The following ADAP2 variants were observed in gnomAD, a reference collection of about 807,000 sequenced individuals.
ADAP2 encodes the protein arf-GAP with dual PH domain-containing protein 2.
In ADAP2, 42 loss-of-function variants were observed where a neutral mutation model predicts 54.9. The observed-to-expected ratio is 0.77, with a 90% CI of 0.60 to 0.99. ADAP2 has a LOEUF of 0.99. ADAP2 is among the 50% of genes least tolerant of loss of function. ADAP2 has a pLI of 0.00. For synonymous variants in ADAP2, 177 were observed against 180.1 expected (o/e 0.98, Z 0.14); for missense variants, 429 against 480.4 (o/e 0.89, Z 1.00).
intron 3 of ADAP2, among the ~76,000 whole-genome samples, chr17:30,927,639 G>A (rs1056994268): frequency 1.3e-5 from 2 of 151,100 alleles, no homozygotes; most frequent in South Asian, 2.1e-4. Flanking sequence ...ATAAAAGATA[G>A]AAATATGTCT....
At chr17:30,943,591 G>A (rs1379056704) in intron 5 of ADAP2, among the ~76,000 whole-genome samples, 2 of 152,008 alleles carry the variant, frequency 1.3e-5, no homozygotes, top group East Asian at 3.9e-4. Context: ...GCTCATGCTT[G>A]TAATCCCAGA....
intron 3 of ADAP2, among the ~76,000 whole-genome samples, chr17:30,928,953 A>C (rs887630346): frequency 6.6e-6 from 1 of 152,238 alleles, no homozygotes. Context: ...AACAGAAAGC[A>C]GCTGCATTTC....
chr17:30,954,504 G>A lies in ADAP2; in HGVS notation c.831G>A (p.Trp277Ter), dbSNP rs1904914057. Residue 277 changes from tryptophan to a stop codon, truncating the protein, a stop_gained, in exon 9 of 11, where the codon TGG (tryptophan) becomes TGA (stop). Coordinates refer to ENST00000330889, the MANE Select transcript of ADAP2 (RefSeq NM_018404.3). LOFTEE classifies it high-confidence loss of function. ...AGAAAGAACCTTTCAAGAAAAGGTG[G>A]TTCGCCCTGGATTGCCATGAGCGGA... ...PKQKEPFKKR[W>*]FALDCHERRL... 1 of 1,614,172 alleles carries A rather than the reference G, an allele frequency of 6.2e-7. No homozygotes were observed. Among genetic ancestry groups the A allele is most frequent in the Non-Finnish European group, 8.5e-7 (1 of 1,180,004 alleles).
At chr17:30,949,613 G>A (rs957191091) in intron 7 of ADAP2, among the ~76,000 whole-genome samples, 1 of 152,102 alleles carries the variant, frequency 6.6e-6, no homozygotes, top group Non-Finnish European at 1.5e-5. Flanking sequence ...GCCAGGTGTG[G>A]TGGCAGGCGC....
intron 10 of ADAP2, chr17:30,956,868 G>A (rs1399544190): frequency 5.3e-6 from 1 of 189,706 alleles, no homozygotes; most frequent in Non-Finnish European, 1.1e-5. Context: ...GCAGCTCCTG[G>A]GATTTTTGGA....
At chr17:30,938,850 C>T (rs192124060) in intron 5 of ADAP2, among the ~76,000 whole-genome samples, 23 of 152,212 alleles carry the variant, frequency 1.5e-4, no homozygotes, top group Non-Finnish European at 2.5e-4. Flanking sequence ...ATATTTGATA[C>T]CAGAGTGGGG....
intron 5 of ADAP2, among the ~76,000 whole-genome samples, chr17:30,941,649 T>C (rs1355265013): frequency 2.0e-5 from 3 of 152,228 alleles, no homozygotes; most frequent in African/African-American, 4.8e-5. Context: ...GCATAGCTTT[T>C]TCATACTATG....
intron 3 of ADAP2, among the ~76,000 whole-genome samples, chr17:30,931,158 T>C (rs1911447629): frequency 6.6e-6 from 1 of 151,972 alleles, no homozygotes; most frequent in Non-Finnish European, 1.5e-5. Flanking sequence ...GAACACACAG[T>C]GGGAGCAGGT....
At chr17:30,937,348 A>C (rs920917926) in intron 5 of ADAP2, among the ~76,000 whole-genome samples, 1 of 151,968 alleles carries the variant, frequency 6.6e-6, no homozygotes, top group African/African-American at 2.4e-5. Context: ...CAGCCTCCCC[A>C]GTAGCTGGGA....
chr17:30,936,920 T>A (rs189054192), intron 5 of ADAP2, among the ~76,000 whole-genome samples: 88 of 152,264 alleles, frequency 5.8e-4, no homozygotes, highest in African/African-American at 2.0e-3. Flanking sequence ...ATTATTTGAC[T>A]TAAGTTTTTG....
chr17:30,922,922 C>A lies in ADAP2; in HGVS notation c.95-18C>A. ...CCGCGCTTTCCGCTCAGCTCCTCTC[C>A]TGCCTCATCCCCTGCAGATCCCGAC... On this transcript the variant is annotated intron_variant, in intron 1 of 10. Transcript: ENST00000330889. 1 of 1,612,598 alleles carries A rather than the reference C, an allele frequency of 6.2e-7. No homozygotes were observed. The highest frequency in any genetic ancestry group is 8.5e-7 in the Non-Finnish European group (1 of 1,179,506).
intron 5 of ADAP2, among the ~76,000 whole-genome samples, chr17:30,935,375 A>G (rs1179744145): frequency 6.6e-6 from 1 of 152,130 alleles, no homozygotes; most frequent in Non-Finnish European, 1.5e-5. Context: ...TCTCAAGAAA[A>G]AAAGAAGTAA....
At chr17:30,948,267 A>G (rs1904319416) in intron 6 of ADAP2, among the ~76,000 whole-genome samples, 2 of 152,208 alleles carry the variant, frequency 1.3e-5, no homozygotes, top group Admixed American at 1.3e-4. Context: ...GACTGATTAG[A>G]TTTGTAATTA....
intron 3 of ADAP2, among the ~76,000 whole-genome samples, chr17:30,927,856 C>T (rs2142511273): frequency 6.6e-6 from 1 of 151,858 alleles, no homozygotes; most frequent in Admixed American, 6.6e-5. Flanking sequence ...CCTGTCTCTA[C>T]AAAAAATAAA....
chr17:30,943,046 G>A (rs1310923216), intron 5 of ADAP2, among the ~76,000 whole-genome samples: 1 of 152,210 alleles, frequency 6.6e-6, no homozygotes, highest in Non-Finnish European at 1.5e-5. Context: ...TCCCATTACT[G>A]GGTATATACC....
intron 5 of ADAP2, among the ~76,000 whole-genome samples, chr17:30,944,603 G>A (rs1265633706): frequency 1.3e-5 from 2 of 152,146 alleles, no homozygotes; most frequent in East Asian, 3.9e-4. Context: ...GGGATTACAG[G>A]TGTCTACCAC....
At chr17:30,954,335 G>C (rs1418650183) in intron 8 of ADAP2, 143 bp from the exon 9 acceptor site, 1 of 709,070 alleles carries the variant, frequency 1.4e-6, no homozygotes, top group Non-Finnish European at 2.5e-6. Context: ...CCAGGGAGAA[G>C]CACTAGGATG....
chr17:30,954,185 C>A (rs924910756), intron 8 of ADAP2: 2 of 281,112 alleles, frequency 7.1e-6, no homozygotes, highest in Admixed American at 9.2e-5. Flanking sequence ...ACTTCCTTTC[C>A]GGCTTCTTTG....
In ADAP2 at chr17:30,951,662, T is replaced by C. The variant is rs906490137; in HGVS notation, c.742-1626T>C. The stretch of plus-strand genomic sequence containing the variant: ...ATATTTTCTTTTCTTTTCTTTTTTT[T>C]TTTTTTTTTTTGAGACAGAGTCTCG... On this transcript the variant is annotated intron_variant, in intron 7 of 10. Transcript: ENST00000330889. Among the ~76,000 whole-genome samples the C allele has an allele frequency of 2.8e-4, 41 of 146,702 alleles. 1 individual carries two copies. The highest frequency in any genetic ancestry group is 1.0e-3 in the African/African-American group (40 of 40,126).
Sources: gnomAD v4.1 joint callset for allele counts (sites outside exome capture counted in the v4.1 genomes callset) on GRCh38, gnomAD v4.1.1 for gene constraint, MANE v1.5 for transcripts, NCBI Gene and HGNC (gene_info 2026-07-23, HGNC 2026-07-21) for gene names.